The following CAMK4 variants were observed in gnomAD, a reference collection of about 807,000 sequenced individuals.
The protein encoded by CAMK4 is calcium/calmodulin-dependent protein kinase type IV.
A neutral mutation model predicts 44.9 loss-of-function variants in CAMK4; 22 were observed. The observed-to-expected ratio is 0.49, with a 90% CI of 0.35 to 0.70. CAMK4 has a LOEUF of 0.70. Among genes scored for constraint, CAMK4 ranks in the 30% least tolerant of loss-of-function variants. The pLI is 0.01. For synonymous variants in CAMK4, 218 were observed against 215.4 expected (o/e 1.01, Z -0.11); for missense variants, 498 against 586.8 (o/e 0.85, Z 1.56).
intron 1 of CAMK4, among the ~76,000 whole-genome samples, chr5:111,334,185 G>C (rs1427733975): frequency 6.6e-6 from 1 of 151,518 alleles, no homozygotes; most frequent in African/African-American, 2.4e-5. Flanking sequence ...ATATTTAACT[G>C]ACTTGGGAAA....
At chr5:111,411,440 T>C (rs1351387413) in intron 5 of CAMK4, among the ~76,000 whole-genome samples, 2 of 152,232 alleles carry the variant, frequency 1.3e-5, no homozygotes, top group African/African-American at 2.4e-5. Context: ...TCAATTCTTA[T>C]GTAATGCTTT....
intron 1 of CAMK4, among the ~76,000 whole-genome samples, chr5:111,263,233 T>A (rs1472045270): frequency 3.9e-5 from 6 of 152,256 alleles, no homozygotes; most frequent in Admixed American, 3.9e-4. Context: ...GTGAAATATA[T>A]TTCATAAATA....
At chr5:111,278,991 C>T (rs940909511) in intron 1 of CAMK4, among the ~76,000 whole-genome samples, 2 of 152,096 alleles carry the variant, frequency 1.3e-5, no homozygotes, top group African/African-American at 4.8e-5. Context: ...CTGGGGCAAC[C>T]GTTAGAGACT....
intron 1 of CAMK4, among the ~76,000 whole-genome samples, chr5:111,321,188 G>C (rs1165376307): frequency 6.6e-6 from 1 of 152,122 alleles, no homozygotes; most frequent in Non-Finnish European, 1.5e-5. Context: ...CAGGAGCTGG[G>C]AGGTGGTATA....
chr5:111,239,473 A>G (rs1423827352), intron 1 of CAMK4, among the ~76,000 whole-genome samples: 2 of 152,288 alleles, frequency 1.3e-5, no homozygotes, highest in East Asian at 1.9e-4. Flanking sequence ...CCTTTACTGC[A>G]TGTCTTTGCA....
chr5:111,411,285 A>T (rs1580716780), intron 5 of CAMK4, among the ~76,000 whole-genome samples: 1 of 152,184 alleles, frequency 6.6e-6, no homozygotes, highest in East Asian at 1.9e-4. Flanking sequence ...GTCTGTTTCA[A>T]ATCCTTTTTC....
rs201284909 is a variant in CAMK4, at chr5:111,484,090, T to C, written c.1046T>C (p.Ile349Thr). 6.2e-7 allele frequency: 1 copy of C among 1,613,410 alleles called. No individual in the cohort carries two copies. Reference sequence around the variant, plus strand: ...AGTGCCAGCAGCAGCCATGGCAGCATCCAGGAGAGCCACAAGGCTAGCCGA... The same window carrying C: ...AGTGCCAGCAGCAGCCATGGCAGCACCCAGGAGAGCCACAAGGCTAGCCGA... ...LGSASSSHGS[I>T]QESHKASRDP... Residue 349 changes from isoleucine (I) to threonine (T), a missense_variant, in exon 11 of 11, where the codon ATC (isoleucine) becomes ACC (threonine). Physicochemically the swap from Ile to Thr is moderately conservative, Grantham distance 89. Coordinates refer to ENST00000282356, the MANE Select transcript of CAMK4 (RefSeq NM_001744.6). The surrounding 1 kb of genome is among the most constrained non-coding windows in gnomAD (Gnocchi z 5.3).
In CAMK4 at chr5:111,484,630, T is replaced by G; in HGVS notation, c.*164T>G. Reference sequence around the variant, plus strand: ...TAATTCTAACTTCAATGCATGTGACTGCTTTATGAAAATAATAGTGTCTTC... The same window carrying G: ...TAATTCTAACTTCAATGCATGTGACGGCTTTATGAAAATAATAGTGTCTTC... On this transcript the variant is annotated 3_prime_UTR_variant, in exon 11 of 11. Coordinates refer to ENST00000282356, the MANE Select transcript of CAMK4 (RefSeq NM_001744.6). The surrounding 1 kb of genome is among the most constrained non-coding windows in gnomAD (Gnocchi z 5.3). 1 of 430,110 alleles carries G rather than the reference T, an allele frequency of 2.3e-6. No homozygotes were observed. The highest frequency in any genetic ancestry group is 4.0e-6 in the Non-Finnish European group (1 of 247,974). 26.6% of individuals were successfully genotyped at this position (430,110 alleles called of 1,614,324 possible).
At chr5:111,311,328 G>A (rs1748194087) in intron 1 of CAMK4, among the ~76,000 whole-genome samples, 2 of 152,236 alleles carry the variant, frequency 1.3e-5, no homozygotes, top group African/African-American at 4.8e-5. Context: ...GCTGTCCTTA[G>A]AGAAGACTTG....
intron 4 of CAMK4, among the ~76,000 whole-genome samples, chr5:111,390,416 T>C (rs538939112): frequency 6.6e-6 from 1 of 152,276 alleles, no homozygotes; most frequent in Admixed American, 6.5e-5. Context: ...GGAAACATTT[T>C]ACAGATTTTA....
intron 7 of CAMK4, among the ~76,000 whole-genome samples, chr5:111,463,049 A>G (rs1287240944): frequency 1.3e-5 from 2 of 152,174 alleles, no homozygotes; most frequent in Admixed American, 6.5e-5. Flanking sequence ...AAGACCGTTT[A>G]CCAAACTTAT....
intron 1 of CAMK4, among the ~76,000 whole-genome samples, chr5:111,293,884 C>T (rs1264180509): frequency 1.3e-5 from 2 of 151,046 alleles, no homozygotes; most frequent in African/African-American, 4.9e-5. Context: ...GTAGCTGGGA[C>T]TACAGGTGCC....
chr5:111,240,564 G>A lies in CAMK4; in HGVS notation c.161+15920G>A, dbSNP rs190407048. ...CTTCTGGCGAAGGAACTTCATTGCA[G>A]TACTTAAGAAAACAAATTAATAACC... On this transcript the variant is annotated intron_variant, in intron 1 of 10. Transcript: ENST00000282356. Among the ~76,000 whole-genome samples the A allele has an allele frequency of 6.6e-5, 10 of 152,256 alleles. No homozygotes were observed. In the East Asian group the frequency reaches 1.7e-3, roughly 26 times the overall value.
chr5:111,356,177 T>A (rs1750344454), intron 2 of CAMK4, among the ~76,000 whole-genome samples: 1 of 147,286 alleles, frequency 6.8e-6, no homozygotes, highest in Non-Finnish European at 1.5e-5. Context: ...GTTTCCTGAC[T>A]TTTTAATGAT....
chr5:111,384,851 C>T (rs1751542101), intron 4 of CAMK4, among the ~76,000 whole-genome samples: 1 of 152,104 alleles, frequency 6.6e-6, no homozygotes, highest in Non-Finnish European at 1.5e-5. Context: ...CAGGAAGCTA[C>T]TCACTACTTT....
At chr5:111,348,394 A>G (rs187718149) in intron 2 of CAMK4, among the ~76,000 whole-genome samples, 4 of 152,152 alleles carry the variant, frequency 2.6e-5, no homozygotes, top group Admixed American at 2.0e-4. Flanking sequence ...AACACTGATA[A>G]TTAACATACA....
At chr5:111,361,455 TC>T (rs544630766) in intron 2 of CAMK4, among the ~76,000 whole-genome samples, 242 of 152,174 alleles carry the variant, frequency 1.6e-3, no homozygotes, top group African/African-American at 5.6e-3. Context: ...TTCATTATTT[TC>T]ATGGCTTCTT....
chr5:111,422,200 A>T (rs1228260960), intron 5 of CAMK4, among the ~76,000 whole-genome samples: 1 of 152,224 alleles, frequency 6.6e-6, no homozygotes, highest in Non-Finnish European at 1.5e-5. Flanking sequence ...GCCTTGCAGA[A>T]ATATGACACA....
At chr5:111,366,603 A>G (rs755933750) in intron 2 of CAMK4, among the ~76,000 whole-genome samples, 13 of 152,066 alleles carry the variant, frequency 8.5e-5, no homozygotes, top group Admixed American at 2.0e-4. Context: ...TTCCTCATCA[A>G]CAGTCTTGGT....
Sources: allele counts gnomAD v4.1 joint callset (sites outside exome capture counted in the v4.1 genomes callset), GRCh38; gene constraint gnomAD v4.1.1; non-coding constraint Gnocchi (gnomAD v3.1); transcripts MANE v1.5; gene names NCBI Gene and HGNC (gene_info 2026-07-23, HGNC 2026-07-21).